TBL1X: variants seen among roughly 807,000 people sequenced by gnomAD.
TBL1X encodes the protein transducin beta like 1 X-linked.
Under a neutral mutation model 50.7 loss-of-function variants are expected in TBL1X, and 10 were observed. That is an observed-to-expected ratio of 0.20 (90% CI 0.12 to 0.33). The LOEUF is 0.33. TBL1X is among the 10% of genes least tolerant of loss of function. The probability of loss-of-function intolerance (pLI) is 1.00; values close to 1 mark genes in which losing one functional copy is unlikely to be tolerated. For synonymous variants in TBL1X, 190 were observed against 214.7 expected, an observed-to-expected ratio of 0.88 and a Z score of 1.01; for missense variants, 340 against 504.4, an observed-to-expected ratio of 0.67 and a Z score of 3.12.
chrX:9,674,062 C>T (rs1254673837), intron 5 of TBL1X, among the ~76,000 whole-genome samples: 3 of 111,638 alleles, frequency 2.7e-5, no homozygotes, highest in Non-Finnish European at 5.6e-5. Context: ...GAAATTCTTT[C>T]TCAGAAATAA....
At chrX:9,524,214 C>T (rs890566185) in intron 2 of TBL1X, among the ~76,000 whole-genome samples, 2 of 111,686 alleles carry the variant, frequency 1.8e-5, no homozygotes, top group Admixed American at 9.4e-5. Context: ...GTGATCCACC[C>T]ACCTTGGCCT....
In TBL1X at chrX:9,561,084, G is replaced by A. The variant is rs980868922; in HGVS notation, c.-131+59235G>A. On this transcript the variant is annotated intron_variant, in intron 2 of 17. Coordinates refer to ENST00000645353, the MANE Select transcript of TBL1X (RefSeq NM_005647.4). ...AGCTTGGAGCCAGGGCTGACTGTCT[G>A]TGTAGGCTAGAACAGAATTCCCAAT... Among the ~76,000 whole-genome samples, 3 of 111,710 alleles carry A rather than the reference G, an allele frequency of 2.7e-5. No individual in the cohort carries two copies. The South Asian group carries it at 1.1e-3, about 42-fold the overall frequency.
At chrX:9,479,921 C>T (rs1194454275) in intron 1 of TBL1X, among the ~76,000 whole-genome samples, 2 of 54,169 alleles carry the variant, frequency 3.7e-5, no homozygotes, top group Middle Eastern at 0.011. Flanking sequence ...ACATGCAAGG[C>T]GTAGAAGGAA....
intron 12 of TBL1X, among the ~76,000 whole-genome samples, chrX:9,697,972 C>T (rs1371310419): frequency 9.0e-6 from 1 of 111,333 alleles, no homozygotes; most frequent in African/African-American, 3.3e-5. Context: ...CTAGTTTTAG[C>T]TACCCAGGAA....
At chrX:9,692,280 C>A (rs772536314) in intron 9 of TBL1X, 26 bp downstream of exon 9, 31 of 1,146,379 alleles carry the variant, frequency 2.7e-5, no homozygotes, top group Non-Finnish European at 3.6e-5. Flanking sequence ...CCCCTGGGCA[C>A]TTTGAAATTG....
intron 1 of TBL1X, among the ~76,000 whole-genome samples, chrX:9,472,681 AG>A (rs1047902530): frequency 9.1e-6 from 1 of 110,257 alleles, no homozygotes; most frequent in South Asian, 3.8e-4. Context: ...TGGGAGGCTG[AG>A]GGGGGCAGAT....
At chrX:9,544,960 C>T (rs1254797720) in intron 2 of TBL1X, among the ~76,000 whole-genome samples, 1 of 105,647 alleles carries the variant, frequency 9.5e-6, no homozygotes, top group African/African-American at 3.5e-5. Context: ...AGTGGAATAA[C>T]TTAGTGAAAT....
At chrX:9,474,940 CT>C (rs2081840323) in intron 1 of TBL1X, among the ~76,000 whole-genome samples, 1 of 112,448 alleles carries the variant, frequency 8.9e-6, no homozygotes, top group African/African-American at 3.2e-5. Flanking sequence ...GTGGCGTGAT[CT>C]CAGCTCACTG....
At chrX:9,577,369 G>A (rs767607824) in intron 2 of TBL1X, among the ~76,000 whole-genome samples, 194 of 112,150 alleles carry the variant, frequency 1.7e-3, no homozygotes, top group Non-Finnish European at 3.4e-3. Context: ...GGAGTTTCAC[G>A]ATGCTGGTAG....
chrX:9,495,654 C>A (rs2081967581), intron 1 of TBL1X, among the ~76,000 whole-genome samples: 1 of 111,388 alleles, frequency 9.0e-6, no homozygotes, highest in Non-Finnish European at 1.9e-5. Flanking sequence ...ATTGCACTCA[C>A]GCCAACAGCA....
At chrX:9,651,149 T>A (rs1043695721) in intron 3 of TBL1X, among the ~76,000 whole-genome samples, 33 of 107,251 alleles carry the variant, frequency 3.1e-4, no homozygotes, top group Admixed American at 1.5e-3. Flanking sequence ...CACCTCAGTC[T>A]CCTGAGTAGC....
At chrX:9,702,183 C>A (rs773858685) in intron 12 of TBL1X, among the ~76,000 whole-genome samples, 2 of 111,311 alleles carry the variant, frequency 1.8e-5, no homozygotes, top group African/African-American at 6.5e-5. Context: ...TTCCTGTAAT[C>A]CCAGCACTTT....
intron 2 of TBL1X, among the ~76,000 whole-genome samples, chrX:9,570,845 T>C (rs2082381975): frequency 9.1e-6 from 1 of 109,509 alleles, no homozygotes; most frequent in African/African-American, 3.3e-5. Context: ...GCCCAGCTAA[T>C]TTTTTGTAGT....
At chrX:9,494,519 G>T (rs2081962066) in intron 1 of TBL1X, among the ~76,000 whole-genome samples, 1 of 111,477 alleles carries the variant, frequency 9.0e-6, no homozygotes, top group Non-Finnish European at 1.9e-5. Flanking sequence ...CATGGTGACA[G>T]GTGTTTTCCT....
Position 9,481,276 on chromosome X carries a change from A to C in TBL1X, c.-201+15829A>C, listed in dbSNP as rs750519812. ...TGGACTGAAGTAATGGAAGACCGAA[A>C]TAAACTTTTTCTGGCTTTTCGTTTG... On this transcript the variant is annotated intron_variant, in intron 1 of 17. Transcript: ENST00000645353. Among the ~76,000 whole-genome samples the C allele has an allele frequency of 1.2e-4, 14 of 112,349 alleles. No individual in the cohort carries two copies. In the South Asian group the frequency reaches 1.8e-3, roughly 15 times the overall value.
intron 2 of TBL1X, among the ~76,000 whole-genome samples, chrX:9,578,506 G>A (rs1018158442): frequency 1.8e-5 from 2 of 111,615 alleles, no homozygotes; most frequent in Non-Finnish European, 3.8e-5. Flanking sequence ...ATCCAACTGC[G>A]CCAAGCTGGA....
intron 1 of TBL1X, among the ~76,000 whole-genome samples, chrX:9,489,446 C>T (rs2081930055): frequency 9.0e-6 from 1 of 111,615 alleles, no homozygotes; most frequent in African/African-American, 3.3e-5. Context: ...ACAAACAGCC[C>T]CCAAATTCAG....
At chrX:9,644,729 C>T (rs1184256858) in intron 3 of TBL1X, 3 of 110,134 alleles carry the variant, frequency 2.7e-5, no homozygotes, top group South Asian at 3.9e-4. Flanking sequence ...AATCTTGGGT[C>T]GCTGCAACCT....
chrX:9,711,824 A>G (rs1301045588), intron 16 of TBL1X, 48 bp downstream of exon 16: 4 of 1,135,389 alleles, frequency 3.5e-6, no homozygotes, highest in Non-Finnish European at 3.5e-6. Context: ...GGGATGCCCA[A>G]ATAGCCACGA....
Sources: allele counts gnomAD v4.1 joint callset (sites outside exome capture counted in the v4.1 genomes callset), GRCh38; gene constraint gnomAD v4.1.1; transcripts MANE v1.5; gene names NCBI Gene and HGNC (gene_info 2026-07-23, HGNC 2026-07-21).